Variants in HIVEP3 observed in about 807,000 individuals in gnomAD.
The protein encoded by HIVEP3 is HIVEP zinc finger 3.
A neutral mutation model predicts 152.8 loss-of-function variants in HIVEP3; 49 were observed. That is an observed-to-expected ratio of 0.32 (90% CI 0.26 to 0.41). The LOEUF (loss-of-function observed/expected upper bound fraction) is 0.41, where lower values mean the gene tolerates loss of function less well. Among genes scored for constraint, HIVEP3 ranks in the 10% least tolerant of loss-of-function variants. HIVEP3 has a pLI of 1.00. For missense variants in HIVEP3, 2,790 were observed against 3,103.3 expected (o/e 0.90, Z 2.40); for synonymous variants, 1,269 against 1,289.0 (o/e 0.98, Z 0.33).
chr1:41,931,160 T>G (rs967621432), intron 1 of HIVEP3, among the ~76,000 whole-genome samples: 4 of 152,114 alleles, frequency 2.6e-5, no homozygotes, highest in Admixed American at 2.6e-4. Context: ...ATTGTGCTTT[T>G]AATGTTGTAT....
Position 41,581,204 on chromosome 1 carries a change from C to T in HIVEP3, c.3594G>A (p.Leu1198=). ...GGGGGAGATGGAGTTGGCCTGGGTG[C>T]AGAACAGTAGGCTGGAGAGGAAGCG... ...APPLPLQPTV[L]HPGQLHLPQL... Residue 1198 remains leucine (L), a synonymous_variant, in exon 4 of 9, where the codon CTG becomes CTA. Transcript: ENST00000372583. The surrounding 1 kb of genome is among the most constrained non-coding windows in gnomAD (Gnocchi z 4.5). 1.3e-6 allele frequency: 2 copies of T among 1,562,166 alleles called. No individual in the cohort carries two copies. The highest frequency in any genetic ancestry group is 1.7e-6 in the Non-Finnish European group (2 of 1,154,282).
intron 1 of HIVEP3, among the ~76,000 whole-genome samples, chr1:41,860,332 T>C (rs1643871849): frequency 6.6e-6 from 1 of 152,200 alleles, no homozygotes; most frequent in Non-Finnish European, 1.5e-5. Flanking sequence ...AACATGTTCA[T>C]AATCAAGGTC....
chr1:41,540,767 C>A (rs1008204493), intron 5 of HIVEP3, among the ~76,000 whole-genome samples: 13 of 152,192 alleles, frequency 8.5e-5, no homozygotes, highest in African/African-American at 2.4e-4. Context: ...AGTTTTCTGA[C>A]CCCAGGGCTA....
At chr1:41,555,754 C>T (rs149677221) in intron 5 of HIVEP3, among the ~76,000 whole-genome samples, 13 of 152,302 alleles carry the variant, frequency 8.5e-5, no homozygotes, top group South Asian at 8.3e-4. Flanking sequence ...ATTTTCCAAA[C>T]GGAAACTTTG....
chr1:41,548,694 C>G (rs1643863357), intron 5 of HIVEP3, among the ~76,000 whole-genome samples: 1 of 152,062 alleles, frequency 6.6e-6, no homozygotes, highest in Non-Finnish European at 1.5e-5. Context: ...TGCCACCATG[C>G]TGGCCAATTT....
chr1:41,912,292 T>C (rs1193941427), intron 1 of HIVEP3, among the ~76,000 whole-genome samples: 1 of 152,202 alleles, frequency 6.6e-6, no homozygotes, highest in East Asian at 1.9e-4. Flanking sequence ...TTAGTCATAA[T>C]GTTATTCTTT....
intron 1 of HIVEP3, among the ~76,000 whole-genome samples, chr1:41,978,286 G>A (rs1377614440): frequency 1.3e-5 from 2 of 152,054 alleles, no homozygotes; most frequent in Non-Finnish European, 2.9e-5. Context: ...CAGCTGAACT[G>A]TGTCCCCCAC....
intron 4 of HIVEP3, 95 bp from the exon 5 acceptor site, chr1:41,575,784 C>A: frequency 7.6e-7 from 1 of 1,308,656 alleles, no homozygotes; most frequent in Non-Finnish European, 1.1e-6. Flanking sequence ...CACAGTACTG[C>A]ACAAGTACAC....
chr1:41,624,675 GT>G (rs1463740878), intron 3 of HIVEP3, among the ~76,000 whole-genome samples: 2 of 152,166 alleles, frequency 1.3e-5, no homozygotes, highest in African/African-American at 4.8e-5. Flanking sequence ...ATAAATGATT[GT>G]GGGGCTTCCT....
intron 1 of HIVEP3, among the ~76,000 whole-genome samples, chr1:41,912,601 G>T (rs1312751907): frequency 2.0e-5 from 3 of 152,112 alleles, no homozygotes; most frequent in Non-Finnish European, 4.4e-5. Flanking sequence ...TTATGCTCTG[G>T]CTCATTTATT....
chr1:41,762,108 A>T (rs1383437755), intron 1 of HIVEP3, among the ~76,000 whole-genome samples: 1 of 152,062 alleles, frequency 6.6e-6, no homozygotes, highest in African/African-American at 2.4e-5. Context: ...CCTTTTTTGC[A>T]TACCCACAAA....
intron 1 of HIVEP3, among the ~76,000 whole-genome samples, chr1:41,888,742 C>CT (rs988776768): frequency 1.5e-4 from 18 of 118,016 alleles, no homozygotes; most frequent in Non-Finnish European, 2.8e-4. Flanking sequence ...ACACACATGC[C>CT]CCCCACACCA....
chr1:41,633,327 G>T (rs142440783), intron 2 of HIVEP3, among the ~76,000 whole-genome samples: 4 of 152,274 alleles, frequency 2.6e-5, no homozygotes, highest in Non-Finnish European at 5.9e-5. Context: ...TAATCAGAGC[G>T]AAGCTAGCCT....
At chr1:41,626,055 C>A (rs1253738062) in intron 3 of HIVEP3, among the ~76,000 whole-genome samples, 1 of 152,212 alleles carries the variant, frequency 6.6e-6, no homozygotes, top group Non-Finnish European at 1.5e-5. Flanking sequence ...TCAGAAAGCA[C>A]ATTTATTCTG....
At chr1:41,745,650 C>T (rs1164014418) in intron 1 of HIVEP3, among the ~76,000 whole-genome samples, 1 of 152,158 alleles carries the variant, frequency 6.6e-6, no homozygotes, top group Admixed American at 6.5e-5. Flanking sequence ...AGGGAGGGGT[C>T]CCTGTGGCTC....
intron 2 of HIVEP3, among the ~76,000 whole-genome samples, chr1:41,699,360 A>C (rs1165491170): frequency 6.6e-6 from 1 of 152,220 alleles, no homozygotes; most frequent in Admixed American, 6.5e-5. Context: ...CACTCCTGTG[A>C]GACGACAGGT....
intron 1 of HIVEP3, among the ~76,000 whole-genome samples, chr1:41,731,921 G>A (rs1455851545): frequency 6.6e-6 from 1 of 152,246 alleles, no homozygotes; most frequent in Non-Finnish European, 1.5e-5. Flanking sequence ...AAAACCATGT[G>A]CAATAAATAC....
chr1:41,531,730 G>A (rs1643261498), intron 5 of HIVEP3, among the ~76,000 whole-genome samples: 1 of 83,818 alleles, frequency 1.2e-5, no homozygotes, highest in Non-Finnish European at 2.5e-5. Flanking sequence ...GGAAGACAGG[G>A]GCGATAGAGG....
chr1:41,896,116 G>A (rs1216072822), intron 1 of HIVEP3, among the ~76,000 whole-genome samples: 1 of 152,144 alleles, frequency 6.6e-6, no homozygotes, highest in Non-Finnish European at 1.5e-5. Context: ...TCCTAGGTGC[G>A]ATTCCCAGCT....
Sources: allele counts gnomAD v4.1 joint callset (sites outside exome capture counted in the v4.1 genomes callset), GRCh38; gene constraint gnomAD v4.1.1; non-coding constraint Gnocchi (gnomAD v3.1); transcripts MANE v1.5; gene names NCBI Gene and HGNC (gene_info 2026-07-23, HGNC 2026-07-21).